The following DNAJC5B variants were observed in gnomAD, a reference collection of about 807,000 sequenced individuals.
DNAJC5B encodes the protein DnaJ heat shock protein family (Hsp40) member C5 beta.
DNAJC5B carries 23 observed loss-of-function variants against 24.7 expected under a neutral mutation model. The ratio of observed to expected loss-of-function variants is 0.93; its 90% confidence interval spans 0.67 to 1.32. DNAJC5B has a LOEUF of 1.32. DNAJC5B is among the 40% of genes most tolerant of loss of function. The pLI, the probability that DNAJC5B is intolerant of heterozygous loss-of-function variation, is 0.00. For missense variants in DNAJC5B, 238 were observed against 240.8 expected (o/e 0.99, Z 0.08); for synonymous variants, 101 against 90.1 (o/e 1.12, Z -0.68).
chr8:66,055,653 T>C (rs902796115), intron 3 of DNAJC5B, among the ~76,000 whole-genome samples: 2 of 152,162 alleles, frequency 1.3e-5, no homozygotes, highest in Admixed American at 6.6e-5. Flanking sequence ...AATAAGCATA[T>C]ATAGACCAGG....
chr8:66,081,385 G>C (rs1807593360), intron 5 of DNAJC5B, among the ~76,000 whole-genome samples: 1 of 152,084 alleles, frequency 6.6e-6, no homozygotes, highest in Non-Finnish European at 1.5e-5. Context: ...TTATCCTGGA[G>C]TACAGACTTT....
At chr8:66,099,163 C>CAT (rs1283503502) in intron 5 of DNAJC5B, among the ~76,000 whole-genome samples, 1 of 152,066 alleles carries the variant, frequency 6.6e-6, no homozygotes, top group African/African-American at 2.4e-5. Flanking sequence ...TGAGGTCATT[C>CAT]ACTTTTGCTA....
upstream of DNAJC5B, among the ~76,000 whole-genome samples, chr8:66,020,600 G>C (rs1806089220): frequency 2.3e-4 from 2 of 8,642 alleles, no homozygotes; most frequent in East Asian, 2.6e-3. Context: ...TACTCTGTGT[G>C]TGTGTGTGTG....
intron 2 of DNAJC5B, among the ~76,000 whole-genome samples, chr8:66,046,362 G>C (rs55876952): frequency 0.4 from 60,658 of 152,108 alleles, 17,256 homozygotes; most frequent in African/African-American, 0.82. Context: ...GCCCCTCACC[G>C]TGGACAGAGC....
chr8:66,016,247 C>G, the DNAJC5B span, among the ~76,000 whole-genome samples: 3 of 152,208 alleles, frequency 2.0e-5, no homozygotes, highest in African/African-American at 7.2e-5. Flanking sequence ...GCTGTGTCCC[C>G]ACTCAAATTT....
chr8:66,090,379 C>T (rs541989244), intron 5 of DNAJC5B, among the ~76,000 whole-genome samples: 1 of 151,918 alleles, frequency 6.6e-6, no homozygotes, highest in South Asian at 2.1e-4. Context: ...AATATAAGAT[C>T]TAAATTCAGT....
At chr8:66,035,246 A>C (rs751205729) in intron 1 of DNAJC5B, among the ~76,000 whole-genome samples, 2 of 152,250 alleles carry the variant, frequency 1.3e-5, no homozygotes, top group African/African-American at 2.4e-5. Context: ...CTGCCTAGGC[A>C]TAAATAAAAT....
At chr8:66,076,581 T>C in intron 3 of DNAJC5B, 79 bp from the exon 4 acceptor site, 1 of 1,451,208 alleles carries the variant, frequency 6.9e-7, no homozygotes, top group South Asian at 1.2e-5. Context: ...AATATACAAA[T>C]GAACAGTGCC....
intron 4 of DNAJC5B, 104 bp downstream of exon 4, chr8:66,076,977 T>G (rs1410886806): frequency 4.1e-6 from 5 of 1,211,580 alleles, no homozygotes; most frequent in Non-Finnish European, 5.9e-6. Context: ...GCTATTAAAC[T>G]CTGGTAAATA....
At chr8:66,069,082 A>G (rs1807288568) in intron 3 of DNAJC5B, among the ~76,000 whole-genome samples, 1 of 152,134 alleles carries the variant, frequency 6.6e-6, no homozygotes, top group African/African-American at 2.4e-5. Flanking sequence ...AAAAGAATAT[A>G]TAATTTCTAA....
intron 5 of DNAJC5B, among the ~76,000 whole-genome samples, chr8:66,091,570 G>A (rs553426445): frequency 2.0e-5 from 3 of 152,272 alleles, no homozygotes; most frequent in South Asian, 2.1e-4. Context: ...CTATTGAATA[G>A]TTTTATCAAG....
chr8:66,031,861 G>T (rs1463611356), intron 1 of DNAJC5B, among the ~76,000 whole-genome samples: 2 of 152,174 alleles, frequency 1.3e-5, no homozygotes, highest in East Asian at 1.9e-4. Context: ...CACCCACGCA[G>T]ACACACCCAG....
chr8:66,041,459 G>A (rs1806606554), intron 1 of DNAJC5B, among the ~76,000 whole-genome samples: 1 of 152,266 alleles, frequency 6.6e-6, no homozygotes, highest in East Asian at 1.9e-4. Flanking sequence ...AATTGAAAGA[G>A]GTGTATAAGG....
At chr8:66,094,465 T>C (rs1296570547) in intron 5 of DNAJC5B, among the ~76,000 whole-genome samples, 1 of 152,106 alleles carries the variant, frequency 6.6e-6, no homozygotes, top group Admixed American at 6.5e-5. Context: ...AATGTACTTT[T>C]AAAAACATTG....
intron 5 of DNAJC5B, among the ~76,000 whole-genome samples, chr8:66,086,775 T>C (rs75649019): frequency 0.082 from 12,536 of 152,176 alleles, 878 homozygotes; most frequent in African/African-American, 0.18. Context: ...CATATGAAGA[T>C]TACCACAGGA....
chr8:66,041,716 A>C (rs779970174), intron 1 of DNAJC5B, among the ~76,000 whole-genome samples: 3 of 152,270 alleles, frequency 2.0e-5, no homozygotes, highest in Non-Finnish European at 4.4e-5. Context: ...TAATGTGCTT[A>C]CCATGAGTTA....
intron 5 of DNAJC5B, among the ~76,000 whole-genome samples, chr8:66,097,944 G>T (rs1807989549): frequency 6.6e-6 from 1 of 152,002 alleles, no homozygotes; most frequent in Non-Finnish European, 1.5e-5. Flanking sequence ...CCACCTCCTG[G>T]GTTCAAGCGA....
chr8:66,047,630 G>GGCTCAGTAAA (rs1422210194), intron 2 of DNAJC5B, among the ~76,000 whole-genome samples: 2 of 152,114 alleles, frequency 1.3e-5, no homozygotes, highest in African/African-American at 4.8e-5. Context: ...GCATAGGAGG[G>GGCTCAGTAAA]GCTCAGTAAA....
intron 3 of DNAJC5B, among the ~76,000 whole-genome samples, chr8:66,063,074 G>A (rs2128961574): frequency 6.6e-6 from 1 of 152,324 alleles, no homozygotes; most frequent in African/African-American, 2.4e-5. Flanking sequence ...GGGTCTCTGT[G>A]TCTCATGAAT....
Sources: gnomAD v4.1 joint callset for allele counts (sites outside exome capture counted in the v4.1 genomes callset) on GRCh38, gnomAD v4.1.1 for gene constraint, MANE v1.5 for transcripts, NCBI Gene and HGNC (gene_info 2026-07-23, HGNC 2026-07-21) for gene names.